The following RANBP3 variants were observed in gnomAD, a reference collection of about 807,000 sequenced individuals.
The protein encoded by RANBP3 is ran-binding protein 3.
Under a neutral mutation model 77.3 loss-of-function variants are expected in RANBP3, and 14 were observed. That is an observed-to-expected ratio of 0.18 (90% CI 0.12 to 0.28). The LOEUF is 0.28. RANBP3 is among the 10% of genes least tolerant of loss of function. The pLI is 1.00. For synonymous variants in RANBP3, 315 were observed against 312.4 expected (o/e 1.01, Z -0.09); for missense variants, 586 against 752.3 (o/e 0.78, Z 2.59).
At chr19:5,970,081 G>A (rs2058513124) in intron 1 of RANBP3, among the ~76,000 whole-genome samples, 2 of 152,150 alleles carry the variant, frequency 1.3e-5, no homozygotes, top group Admixed American at 1.3e-4. Flanking sequence ...TGGGGGTGTG[G>A]AGGAAACTGT....
Position 5,916,477 on chromosome 19 carries a change from G to GT in RANBP3, c.*1132dup, listed in dbSNP as rs1336325592. 1 of 152,352 alleles carries GT rather than the reference G, an allele frequency of 6.6e-6. No individual in the cohort carries two copies. Among genetic ancestry groups the GT allele is most frequent in the Non-Finnish European group, 1.5e-5 (1 of 68,140 alleles). The allele number at this position is 152,352 out of a possible 1,614,324, so 9.4% of individuals were successfully genotyped here. A position where few individuals can be genotyped will look rare whatever the true frequency, so the allele number is the denominator to read the frequency against. Reference sequence around the variant, plus strand: ...ACCTCCTCCTCGGCCTCCCAGGTGGGTGGTGCAAGCTGGCTCTTGGCCATG... The same window carrying GT: ...ACCTCCTCCTCGGCCTCCCAGGTGGGTTGGTGCAAGCTGGCTCTTGGCCATG... On this transcript the variant is annotated 3_prime_UTR_variant, in exon 17 of 17. Coordinates refer to ENST00000340578, the MANE Select transcript of RANBP3 (RefSeq NM_007322.3).
chr19:5,943,153 G>A (rs866593891), intron 3 of RANBP3, among the ~76,000 whole-genome samples: 6 of 152,190 alleles, frequency 3.9e-5, no homozygotes, highest in Admixed American at 6.5e-5. Flanking sequence ...TCCTCCTGGC[G>A]CGCTCCCTGC....
intron 3 of RANBP3, among the ~76,000 whole-genome samples, chr19:5,942,386 C>T (rs2058149062): frequency 6.6e-6 from 1 of 152,156 alleles, no homozygotes; most frequent in Non-Finnish European, 1.5e-5. Context: ...TAGAACAGAA[C>T]CATCAAAGAC....
chr19:5,925,757 C>T lies in RANBP3; in HGVS notation c.814-20G>A. On this transcript the variant is annotated intron_variant, in intron 9 of 16. Transcript: ENST00000340578. ...TATCAGCTGGGAATGAGACGGAGCG[C>T]TCAGTAATCGGGGGTGGGGGGGTGC... is the stretch of plus-strand genomic sequence containing the variant. 1 of 1,607,256 alleles carries T rather than the reference C, an allele frequency of 6.2e-7. No individual in the cohort carries two copies. The highest frequency in any genetic ancestry group is 1.3e-5 in the African/African-American group (1 of 74,820).
At chr19:5,933,556 G>A in intron 5 of RANBP3, 77 bp from the exon 6 acceptor site, 2 of 1,245,480 alleles carry the variant, frequency 1.6e-6, no homozygotes, top group South Asian at 1.3e-5. Flanking sequence ...GGCAGGAGAG[G>A]ACTATGGTCT....
chr19:5,942,212 G>T (rs1213172619), intron 3 of RANBP3, among the ~76,000 whole-genome samples: 1 of 152,102 alleles, frequency 6.6e-6, no homozygotes, highest in Non-Finnish European at 1.5e-5. Context: ...ACCCTTGAGG[G>T]CAGCGGACTT....
At position 5,924,024 on chromosome 19, in the gene RANBP3, C is replaced by T; in HGVS notation, c.997-110G>A. 1 of 803,482 alleles carries T rather than the reference C, an allele frequency of 1.2e-6. No homozygotes were observed. The highest frequency in any genetic ancestry group is 2.0e-6 in the Non-Finnish European group (1 of 493,610). The allele number at this position is 803,482 out of a possible 1,614,324, so 49.8% of individuals were successfully genotyped here. On this transcript the variant is annotated intron_variant, in intron 11 of 16. Coordinates refer to ENST00000340578, the MANE Select transcript of RANBP3 (RefSeq NM_007322.3). The surrounding 1 kb of genome is among the most constrained non-coding windows in gnomAD (Gnocchi z 4.7). ...CAACACTACGCTGCCCCCAGCACTC[C>T]TGCCCACTCCCGGTGACACCCTGAA...
At chr19:5,934,440 A>C (rs11878234) in intron 5 of RANBP3, 15,506 of 152,366 alleles carry the variant, frequency 0.1, 818 homozygotes, top group Middle Eastern at 0.23. Flanking sequence ...TAACACTAGC[A>C]GTGAATGACC....
At chr19:5,937,546 G>C (rs2058082724) in intron 5 of RANBP3, among the ~76,000 whole-genome samples, 1 of 152,324 alleles carries the variant, frequency 6.6e-6, no homozygotes, top group East Asian at 1.9e-4. Context: ...TCATGGAGCT[G>C]ACTGGAGAAA....
At chr19:5,972,432 G>C (rs979341195) in intron 1 of RANBP3, among the ~76,000 whole-genome samples, 1 of 152,106 alleles carries the variant, frequency 6.6e-6, no homozygotes, top group Non-Finnish European at 1.5e-5. Context: ...CTACTGCGTA[G>C]GGCAGAGTCA....
chr19:5,917,933 G>T lies in RANBP3; in HGVS notation c.1521C>A (p.Arg507=), dbSNP rs375429850. ...TGQLYAALHH[R]ILALRSRVEQ... ...CCACGCGGCTGCGCAGGGCCAGGAT[G>T]CGGTGGTGCAGGGCTGCATACAACT... Residue 507 remains arginine (R), a synonymous_variant, in exon 16 of 17, where the codon CGC becomes CGA. Coordinates refer to ENST00000340578, the MANE Select transcript of RANBP3 (RefSeq NM_007322.3). The T allele has an allele frequency of 6.2e-7, 1 of 1,612,260 alleles. No homozygotes were observed. Among genetic ancestry groups the T allele is most frequent in the African/African-American group, 1.3e-5 (1 of 74,942 alleles).
At chr19:5,950,939 G>A (rs2058266681) in intron 3 of RANBP3, 1 of 203,030 alleles carries the variant, frequency 4.9e-6, no homozygotes, top group Non-Finnish European at 1.0e-5. Flanking sequence ...GTCTTGCAAA[G>A]CAATCTGTGT....
rs568654274 is a variant in RANBP3 at position 5,971,360 on chromosome 19, G to A, written c.22+6701C>T. On this transcript the variant is annotated intron_variant, in intron 1 of 16. Transcript: ENST00000340578. ...CTCTTTTTTTTTTATTAAAGAGAGG[G>A]GCTTTGTTGCCCAGGCTGGCTTTGA... 1.1e-3 allele frequency among the ~76,000 whole-genome samples: 166 copies of A among 151,940 alleles called. 1 individual carries two copies. The Middle Eastern group carries it at 0.014, about 12-fold the overall frequency.
At chr19:5,961,957 C>G (rs1454656841) in intron 1 of RANBP3, among the ~76,000 whole-genome samples, 1 of 151,786 alleles carries the variant, frequency 6.6e-6, no homozygotes, top group Non-Finnish European at 1.5e-5. Flanking sequence ...CCCTTGTTTT[C>G]CATGGCCAGT....
At chr19:5,976,363 A>T (rs1346595289) in intron 1 of RANBP3, 1 of 152,212 alleles carries the variant, frequency 6.6e-6, no homozygotes, top group African/African-American at 2.4e-5. Context: ...AAAATATGTC[A>T]TACTGATTCC....
At chr19:5,919,325 G>A (rs760647549) in intron 14 of RANBP3, among the ~76,000 whole-genome samples, 11 of 152,172 alleles carry the variant, frequency 7.2e-5, no homozygotes, top group African/African-American at 1.7e-4. Context: ...CCTGCCAGCC[G>A]CCTCTCCCCA....
intron 1 of RANBP3, among the ~76,000 whole-genome samples, chr19:5,963,208 A>G (rs1029119444): frequency 6.6e-6 from 1 of 152,206 alleles, no homozygotes; most frequent in African/African-American, 2.4e-5. Flanking sequence ...CTAGTTTGTA[A>G]AAAATGCAGT....
chr19:5,954,793 G>GCT (rs1461330784), intron 2 of RANBP3, among the ~76,000 whole-genome samples: 1 of 152,160 alleles, frequency 6.6e-6, no homozygotes, highest in African/African-American at 2.4e-5. Flanking sequence ...CACTGCAGCT[G>GCT]CTCCCTGCAG....
intron 3 of RANBP3, among the ~76,000 whole-genome samples, chr19:5,949,789 G>T (rs1468611892): frequency 6.6e-6 from 1 of 152,188 alleles, no homozygotes; most frequent in Admixed American, 6.5e-5. Flanking sequence ...ATGAACATGT[G>T]GACGAGGTGA....
Sources: allele counts gnomAD v4.1 joint callset (sites outside exome capture counted in the v4.1 genomes callset), GRCh38; gene constraint gnomAD v4.1.1; non-coding constraint Gnocchi (gnomAD v3.1); transcripts MANE v1.5; gene names NCBI Gene and HGNC (gene_info 2026-07-23, HGNC 2026-07-21).